The following PLCL2 variants were observed in gnomAD, a reference collection of about 807,000 sequenced individuals.
PLCL2 encodes phospholipase C like 2.
A neutral mutation model predicts 79.6 loss-of-function variants in PLCL2; 4 were observed. The ratio of observed to expected loss-of-function variants is 0.05; its 90% confidence interval spans 0.02 to 0.11. The LOEUF is 0.11. Among genes scored for constraint, PLCL2 ranks in the 10% least tolerant of loss-of-function variants. The pLI, the probability that PLCL2 is intolerant of heterozygous loss-of-function variation, is 1.00. For synonymous variants in PLCL2, 484 were observed against 457.7 expected (o/e 1.06, Z -0.73); for missense variants, 895 against 1,291.0 (o/e 0.69, Z 4.70).
At chr3:16,981,086 G>A (rs1337471297) in intron 1 of PLCL2, among the ~76,000 whole-genome samples, 3 of 152,242 alleles carry the variant, frequency 2.0e-5, no homozygotes, top group Non-Finnish European at 4.4e-5. Context: ...GATGGCAGCA[G>A]TACCGTCCAG....
chr3:16,954,194 A>G (rs964272867), intron 1 of PLCL2, among the ~76,000 whole-genome samples: 2 of 152,134 alleles, frequency 1.3e-5, no homozygotes, highest in African/African-American at 4.8e-5. Context: ...AGCCCACAAC[A>G]GTCACTGGAG....
chr3:17,085,904 A>G (rs977818890), intron 5 of PLCL2, among the ~76,000 whole-genome samples: 2 of 152,236 alleles, frequency 1.3e-5, no homozygotes, highest in East Asian at 3.8e-4. Context: ...CTCTGGTGAA[A>G]GGTATCAAAG....
At chr3:16,899,668 T>C (rs1427542081) in intron 1 of PLCL2, among the ~76,000 whole-genome samples, 1 of 152,150 alleles carries the variant, frequency 6.6e-6, no homozygotes, top group Non-Finnish European at 1.5e-5. Context: ...GCAAGTACTT[T>C]TCGCATGACT....
chr3:16,928,115 A>C (rs532316005), intron 1 of PLCL2, among the ~76,000 whole-genome samples: 2 of 152,222 alleles, frequency 1.3e-5, no homozygotes, highest in African/African-American at 4.8e-5. Flanking sequence ...CTGTGTGAGC[A>C]TGTACTGCAT....
intron 4 of PLCL2, among the ~76,000 whole-genome samples, chr3:17,064,490 C>T (rs1009224242): frequency 2.0e-5 from 3 of 152,132 alleles, no homozygotes; most frequent in Non-Finnish European, 2.9e-5. Flanking sequence ...TCTTATATAG[C>T]GTATGTGAAG....
intron 1 of PLCL2, among the ~76,000 whole-genome samples, chr3:17,007,277 C>A (rs1420125932): frequency 6.6e-6 from 1 of 152,096 alleles, no homozygotes; most frequent in Non-Finnish European, 1.5e-5. Context: ...CATGGTGAAA[C>A]CCCGTCTCTA....
At chr3:17,063,217 TCTTCCTTCCTCCCTCCCTCCCTCCCTGC>T (rs2064969141) in intron 4 of PLCL2, among the ~76,000 whole-genome samples, 2 of 46,910 alleles carry the variant, frequency 4.3e-5, no homozygotes, top group African/African-American at 7.4e-5. Flanking sequence ...TGTCTCTTTC[TCTTCCTTCCTCCCTCCCTCCCTCCCTGC>T]CTTCCTCCCT....
chr3:17,013,943 A>G (rs992973218), intron 2 of PLCL2, among the ~76,000 whole-genome samples: 1 of 152,234 alleles, frequency 6.6e-6, no homozygotes, highest in African/African-American at 2.4e-5. Context: ...CATCCATAAC[A>G]TGGCTTGCTG....
chr3:17,031,452 C>A (rs992677502), intron 3 of PLCL2, among the ~76,000 whole-genome samples: 4 of 152,148 alleles, frequency 2.6e-5, no homozygotes. Flanking sequence ...TACTTGAGCA[C>A]AAGGCACACA....
intron 1 of PLCL2, among the ~76,000 whole-genome samples, chr3:16,937,362 T>C (rs1189285364): frequency 6.6e-6 from 1 of 152,210 alleles, no homozygotes; most frequent in African/African-American, 2.4e-5. Flanking sequence ...AACTGAGACC[T>C]GAGGACAGGT....
chr3:17,007,508 G>A (rs1308437694), intron 1 of PLCL2, among the ~76,000 whole-genome samples: 1 of 152,080 alleles, frequency 6.6e-6, no homozygotes, highest in African/African-American at 2.4e-5. Context: ...TTGTTCTGAG[G>A]ATATAATTGT....
At chr3:16,916,421 G>A (rs1696996908) in intron 1 of PLCL2, among the ~76,000 whole-genome samples, 1 of 152,090 alleles carries the variant, frequency 6.6e-6, no homozygotes, top group East Asian at 1.9e-4. Context: ...TAAGAAAATG[G>A]CCCATAGCAT....
intron 3 of PLCL2, among the ~76,000 whole-genome samples, chr3:17,019,733 CCACT>C (rs2124898282): frequency 6.6e-6 from 1 of 152,070 alleles, no homozygotes; most frequent in Admixed American, 6.5e-5. Context: ...AGATCAAATC[CCACT>C]CAAAGAAATG....
intron 4 of PLCL2, among the ~76,000 whole-genome samples, chr3:17,049,075 G>A (rs763695192): frequency 1.3e-5 from 2 of 150,854 alleles, no homozygotes; most frequent in South Asian, 2.1e-4. Flanking sequence ...CAGCAGGTAC[G>A]AAAACCTTGC....
chr3:16,995,888 C>G (rs1451247342), intron 1 of PLCL2, among the ~76,000 whole-genome samples: 3 of 152,146 alleles, frequency 2.0e-5, no homozygotes, highest in African/African-American at 7.2e-5. Context: ...TGTGTTGTCT[C>G]TATGGTACTG....
intron 1 of PLCL2, among the ~76,000 whole-genome samples, chr3:16,892,132 A>T (rs2124915054): frequency 6.6e-6 from 1 of 152,376 alleles, no homozygotes; most frequent in East Asian, 1.9e-4. Flanking sequence ...AGTTGGATGA[A>T]GATGTTATTT....
intron 1 of PLCL2, among the ~76,000 whole-genome samples, chr3:16,992,901 C>T (rs2064118711): frequency 6.6e-6 from 1 of 152,202 alleles, no homozygotes; most frequent in African/African-American, 2.4e-5. Flanking sequence ...GGGTTCAAGG[C>T]AGCAAGACTA....
chr3:17,052,882 A>G (rs1486849655), intron 4 of PLCL2, among the ~76,000 whole-genome samples: 11 of 152,212 alleles, frequency 7.2e-5, no homozygotes, highest in Non-Finnish European at 2.9e-5. Context: ...AATACATATC[A>G]TATACAAAAT....
chr3:16,925,378 A>G (rs1466840190), intron 1 of PLCL2, among the ~76,000 whole-genome samples: 1 of 152,136 alleles, frequency 6.6e-6, no homozygotes, highest in Non-Finnish European at 1.5e-5. Flanking sequence ...TATTGCTGCT[A>G]TCTAATGTTT....
Sources: allele counts gnomAD v4.1 joint callset (sites outside exome capture counted in the v4.1 genomes callset), GRCh38; gene constraint gnomAD v4.1.1; transcripts MANE v1.5; gene names NCBI Gene and HGNC (gene_info 2026-07-23, HGNC 2026-07-21).